The following STRN3 variants were observed in gnomAD, a reference collection of about 807,000 sequenced individuals.
STRN3 encodes striatin 3, also known as striatin-3.
In STRN3, 29 loss-of-function variants were observed where a neutral mutation model predicts 95.6. That is an observed-to-expected ratio of 0.30 (90% confidence interval 0.23 to 0.41). STRN3 has a LOEUF of 0.41. STRN3 is among the 10% of genes least tolerant of loss of function. The pLI is 1.00. For synonymous variants in STRN3, 331 were observed against 357.6 expected (o/e 0.93, Z 0.84); for missense variants, 890 against 972.1 (o/e 0.92, Z 1.12).
intron 16 of STRN3, among the ~76,000 whole-genome samples, chr14:30,896,602 GAAGGAA>G (rs1896159393): frequency 6.6e-6 from 1 of 151,756 alleles, no homozygotes; most frequent in South Asian, 2.1e-4. Flanking sequence ...AGGGAAGAAG[GAAGGAA>G]AAGTGTCAGT....
intron 1 of STRN3, among the ~76,000 whole-genome samples, chr14:30,965,689 C>G (rs1880454289): frequency 6.7e-6 from 1 of 149,766 alleles, no homozygotes; most frequent in Non-Finnish European, 1.5e-5. Flanking sequence ...TGGCAGGTGC[C>G]TGTAATCTCA....
intron 1 of STRN3, among the ~76,000 whole-genome samples, chr14:30,987,899 AG>A (rs1438641079): frequency 3.3e-5 from 5 of 151,898 alleles, no homozygotes; most frequent in Non-Finnish European, 7.4e-5. Flanking sequence ...CACCATGCCC[AG>A]CTAATTTTTG....
chr14:30,906,749 T>C, intron 14 of STRN3, 128 bp downstream of exon 14: 1 of 1,067,332 alleles, frequency 9.4e-7, no homozygotes, highest in East Asian at 2.6e-5. Flanking sequence ...AAGTTTATCC[T>C]AACTTTTACA....
At chr14:30,936,352 A>G in intron 6 of STRN3, 143 bp downstream of exon 6, 1 of 930,584 alleles carries the variant, frequency 1.1e-6, no homozygotes, top group Non-Finnish European at 1.5e-6. Flanking sequence ...TGTAATGCAA[A>G]AAGAGCTGAC....
At chr14:30,905,318 C>A in intron 15 of STRN3, 100 bp downstream of exon 15, 1 of 1,193,986 alleles carries the variant, frequency 8.4e-7, no homozygotes, top group Non-Finnish European at 1.1e-6. Flanking sequence ...TTTTGCCATC[C>A]TAAATTCAAA....
At chr14:30,954,445 T>A (rs1034102001) in intron 3 of STRN3, among the ~76,000 whole-genome samples, 1 of 152,176 alleles carries the variant, frequency 6.6e-6, no homozygotes, top group African/African-American at 2.4e-5. Context: ...CATTGTTTCA[T>A]TTAATATTAT....
At chr14:30,897,242 C>T (rs987620328) in intron 16 of STRN3, among the ~76,000 whole-genome samples, 1 of 152,088 alleles carries the variant, frequency 6.6e-6, no homozygotes, top group East Asian at 1.9e-4. Context: ...GAATACAAAA[C>T]CACAACATAA....
At chr14:30,967,596 G>A (rs902812864) in intron 1 of STRN3, among the ~76,000 whole-genome samples, 2 of 152,174 alleles carry the variant, frequency 1.3e-5, no homozygotes, top group African/African-American at 4.8e-5. Context: ...CCCGCGGATG[G>A]CCCAAATGCA....
chr14:31,025,628 A>G, intron 1 of STRN3: 1 of 505,458 alleles, frequency 2.0e-6, no homozygotes, highest in Non-Finnish European at 3.5e-6. Context: ...CCGCCTCCGG[A>G]GGAGCCCCCG....
chr14:30,990,524 A>G (rs1363795441), intron 1 of STRN3, among the ~76,000 whole-genome samples: 2 of 152,168 alleles, frequency 1.3e-5, no homozygotes, highest in Non-Finnish European at 2.9e-5. Flanking sequence ...AAGGGGAGAC[A>G]GGTTCCTTAA....
At chr14:30,998,712 A>G (rs1379575906) in intron 1 of STRN3, among the ~76,000 whole-genome samples, 1 of 152,196 alleles carries the variant, frequency 6.6e-6, no homozygotes, top group Non-Finnish European at 1.5e-5. Context: ...AGACTTCAGT[A>G]ACCACAGACA....
chr14:30,943,865 A>G (rs1879210166), intron 5 of STRN3, among the ~76,000 whole-genome samples: 1 of 152,028 alleles, frequency 6.6e-6, no homozygotes. Context: ...AGTGGTTGCC[A>G]GGGGCCGGAG....
chr14:30,905,491 G>C lies in STRN3; in HGVS notation c.1956C>G (p.Asn652Lys). The change falls in exon 15 of 18, where the codon AAC (asparagine) becomes AAG (lysine). Residue 652 changes from asparagine (N) to lysine (K), a missense_variant. Around this residue, in one of 3 missense-constraint regions of STRN3, gnomAD observed 357 missense variants for 422.8 expected, o/e 0.84. Transcript: ENST00000357479. ...CDPAHMVTSF[N>K]TGSAVIYDLE... The stretch of plus-strand genomic sequence containing the variant: ...AATCATAAATTACTGCACTACCAGT[G>C]TTGAAAGAGGTTACCATATGAGCTG... 6.2e-7 allele frequency: 1 copy of C among 1,610,414 alleles called. No individual in the cohort carries two copies. The highest frequency in any genetic ancestry group is 8.5e-7 in the Non-Finnish European group (1 of 1,178,518).
At chr14:30,985,953 C>T (rs1369694340) in intron 1 of STRN3, among the ~76,000 whole-genome samples, 1 of 152,122 alleles carries the variant, frequency 6.6e-6, no homozygotes, top group African/African-American at 2.4e-5. Flanking sequence ...TCTTTTCATT[C>T]TCAATCATAA....
intron 1 of STRN3, among the ~76,000 whole-genome samples, chr14:31,007,796 T>C (rs1005457211): frequency 3.3e-5 from 5 of 151,718 alleles, no homozygotes; most frequent in Non-Finnish European, 7.4e-5. Flanking sequence ...GTCTCAGCTA[T>C]GGGGAGGATT....
chr14:30,927,032 G>A (rs1005355084), intron 8 of STRN3, among the ~76,000 whole-genome samples: 8 of 152,080 alleles, frequency 5.3e-5, no homozygotes, highest in Non-Finnish European at 1.0e-4. Flanking sequence ...GGTCAAGCAC[G>A]GTGGCTCGTG....
chr14:30,969,926 C>T (rs972513971), intron 1 of STRN3, among the ~76,000 whole-genome samples: 2 of 152,154 alleles, frequency 1.3e-5, no homozygotes, highest in Non-Finnish European at 2.9e-5. Flanking sequence ...GTGCTGCTAA[C>T]CACCAAGACT....
intron 1 of STRN3, among the ~76,000 whole-genome samples, chr14:30,959,348 A>C (rs1356966040): frequency 3.9e-5 from 6 of 152,014 alleles, no homozygotes; most frequent in Non-Finnish European, 7.4e-5. Context: ...AACAAAACAA[A>C]CACCACCACC....
intron 7 of STRN3, among the ~76,000 whole-genome samples, chr14:30,933,760 A>G (rs1241239555): frequency 2.0e-5 from 3 of 152,218 alleles, no homozygotes; most frequent in Admixed American, 2.0e-4. Flanking sequence ...GAAAGAAGTG[A>G]AGGTCTGAAA....
Sources: gnomAD v4.1 joint callset for allele counts (sites outside exome capture counted in the v4.1 genomes callset) on GRCh38, gnomAD v4.1.1 for gene constraint, gnomAD v4.1.1 regional missense constraint, MANE v1.5 for transcripts, NCBI Gene and HGNC (gene_info 2026-07-23, HGNC 2026-07-21) for gene names.